LRP1B: variants seen among roughly 807,000 people sequenced by gnomAD.
LRP1B encodes LDL receptor related protein 1B.
In LRP1B, 217 loss-of-function variants were observed where a neutral mutation model predicts 556.6. The ratio of observed to expected loss-of-function variants is 0.39; its 90% CI spans 0.35 to 0.44. The LOEUF (loss-of-function observed/expected upper bound fraction) is 0.44. Ranked by LOEUF, LRP1B falls within the 20% of genes least tolerant of loss-of-function variation. The pLI is 1.00. For synonymous variants in LRP1B, 2,047 were observed against 1,865.8 expected (o/e 1.10, Z -2.50); for missense variants, 5,053 against 5,620.8 (o/e 0.90, Z 3.23).
At chr2:141,274,184 G>T (rs187521478) in intron 3 of LRP1B, among the ~76,000 whole-genome samples, 2 of 152,146 alleles carry the variant, frequency 1.3e-5, no homozygotes, top group Admixed American at 1.3e-4. Flanking sequence ...TAGAGTCACT[G>T]TATGTCCCAA....
chr2:141,676,579 T>C (rs1690889816), intron 2 of LRP1B, among the ~76,000 whole-genome samples: 1 of 152,216 alleles, frequency 6.6e-6, no homozygotes, highest in Non-Finnish European at 1.5e-5. Flanking sequence ...CATGAAATTT[T>C]CCTTCAGTTC....
chr2:141,370,828 G>A (rs1486771421), intron 3 of LRP1B, among the ~76,000 whole-genome samples: 1 of 152,026 alleles, frequency 6.6e-6, no homozygotes, highest in Non-Finnish European at 1.5e-5. Context: ...TATATATGAT[G>A]AGATATATGG....
chr2:141,557,417 C>G (rs1686000399), intron 2 of LRP1B, among the ~76,000 whole-genome samples: 1 of 151,876 alleles, frequency 6.6e-6, no homozygotes, highest in African/African-American at 2.4e-5. Flanking sequence ...TGGTGAAATG[C>G]AAGAATTTTT....
At chr2:141,598,118 T>C (rs1687590549) in intron 2 of LRP1B, among the ~76,000 whole-genome samples, 1 of 151,892 alleles carries the variant, frequency 6.6e-6, no homozygotes, top group South Asian at 2.1e-4. Context: ...TATATAATTT[T>C]TACATGAATC....
rs541973055 is a variant in LRP1B, at chr2:140,702,316, G to A, written c.6151-24C>T. 3.3e-5 allele frequency: 53 copies of A among 1,611,072 alleles called. No individual in the cohort carries two copies. In the South Asian group the frequency reaches 5.1e-4, roughly 15 times the overall value. ...TCCTAAATATCGATTAAGAAGTAACGTTACAGACTATATTTGATTGTTTTA... is the reference window on the plus strand; with the variant it reads ...TCCTAAATATCGATTAAGAAGTAACATTACAGACTATATTTGATTGTTTTA... On this transcript the variant is annotated intron_variant, in intron 38 of 90. Coordinates refer to ENST00000389484, the MANE Select transcript of LRP1B (RefSeq NM_018557.3).
chr2:141,292,027 C>T (rs543314584), intron 3 of LRP1B, among the ~76,000 whole-genome samples: 68 of 152,270 alleles, frequency 4.5e-4, no homozygotes, highest in African/African-American at 4.6e-4. Flanking sequence ...CTGTTAGGAA[C>T]GAGGCTGCGC....
chr2:141,565,339 A>G (rs925863742), intron 2 of LRP1B, among the ~76,000 whole-genome samples: 3 of 152,326 alleles, frequency 2.0e-5, no homozygotes, highest in Middle Eastern at 3.4e-3. Context: ...TGAAATTAGA[A>G]TACATTTTTT....
intron 15 of LRP1B, among the ~76,000 whole-genome samples, chr2:141,004,917 C>G (rs923554858): frequency 6.6e-6 from 1 of 152,002 alleles, no homozygotes; most frequent in Non-Finnish European, 1.5e-5. Flanking sequence ...CTTTACAAGT[C>G]TTTTTCCCTC....
chr2:141,368,846 T>G (rs1278355241), intron 3 of LRP1B, among the ~76,000 whole-genome samples: 1 of 152,156 alleles, frequency 6.6e-6, no homozygotes, highest in Admixed American at 6.5e-5. Context: ...AACACACAGG[T>G]GCATAGTATT....
intron 3 of LRP1B, among the ~76,000 whole-genome samples, chr2:141,417,902 T>G (rs2104957264): frequency 6.6e-6 from 1 of 152,218 alleles, no homozygotes. Context: ...TTGCTGTCAT[T>G]TTATTGACAA....
At chr2:140,529,237 C>G (rs1690572601) in intron 47 of LRP1B, among the ~76,000 whole-genome samples, 1 of 152,004 alleles carries the variant, frequency 6.6e-6, no homozygotes, top group Admixed American at 6.6e-5. Context: ...AGTAAAACCA[C>G]TCTCTCTAAT....
intron 41 of LRP1B, among the ~76,000 whole-genome samples, chr2:140,628,291 G>A (rs536478882): frequency 6.6e-6 from 1 of 152,230 alleles, no homozygotes; most frequent in South Asian, 2.1e-4. Context: ...CACACTTTGG[G>A]AGGCCGAGGC....
chr2:141,908,120 A>G (rs1699807712), intron 1 of LRP1B, among the ~76,000 whole-genome samples: 1 of 152,044 alleles, frequency 6.6e-6, no homozygotes, highest in Non-Finnish European at 1.5e-5. Flanking sequence ...GAAAATAAAG[A>G]TAGGCATAAC....
At chr2:141,977,030 A>T (rs1701905131) in intron 1 of LRP1B, among the ~76,000 whole-genome samples, 1 of 152,162 alleles carries the variant, frequency 6.6e-6, no homozygotes, top group South Asian at 2.1e-4. Flanking sequence ...TTAATGTTGC[A>T]TGAAGTCTAG....
rs76679192 is a variant in LRP1B at position 142,047,598 on chromosome 2, T to C, written c.82+83050A>G. The stretch of plus-strand genomic sequence containing the variant: ...AAATGTGACAGAGACTGGTTAGATG[T>C]TCACAAACTATTTCCTATGTCTTTC... On this transcript the variant is annotated intron_variant, in intron 1 of 90. Transcript: ENST00000389484. Among the ~76,000 whole-genome samples, 540 of 152,090 alleles carry C rather than the reference T, an allele frequency of 3.6e-3. 4 individuals are homozygous for C. The highest frequency in any genetic ancestry group is 0.012 in the African/African-American group (518 of 41,522).
chr2:141,345,814 C>T (rs903292088), intron 3 of LRP1B, among the ~76,000 whole-genome samples: 1 of 151,932 alleles, frequency 6.6e-6, no homozygotes, highest in Admixed American at 6.6e-5. Flanking sequence ...CCTGAATTTT[C>T]TCTGTTCATT....
intron 2 of LRP1B, among the ~76,000 whole-genome samples, chr2:141,716,269 G>A (rs1416287948): frequency 6.6e-6 from 1 of 152,186 alleles, no homozygotes; most frequent in Middle Eastern, 3.2e-3. Context: ...TCCTTAAAAT[G>A]TTCAACAGCC....
intron 3 of LRP1B, among the ~76,000 whole-genome samples, chr2:141,275,718 A>C (rs1685260988): frequency 6.6e-6 from 1 of 152,150 alleles, no homozygotes; most frequent in African/African-American, 2.4e-5. Context: ...TTTTCAAAAA[A>C]TAAAAGAAAA....
chr2:141,415,100 C>T (rs558821099), intron 3 of LRP1B, among the ~76,000 whole-genome samples: 21 of 152,260 alleles, frequency 1.4e-4, no homozygotes, highest in South Asian at 4.1e-4. Flanking sequence ...CTGCAAACTC[C>T]GCCTCCCGGG....
Sources: gnomAD v4.1 joint callset for allele counts (sites outside exome capture counted in the v4.1 genomes callset) on GRCh38, gnomAD v4.1.1 for gene constraint, MANE v1.5 for transcripts, NCBI Gene and HGNC (gene_info 2026-07-23, HGNC 2026-07-21) for gene names.